The following NLGN1 variants were observed in gnomAD, a reference collection of about 807,000 sequenced individuals.
NLGN1 encodes the protein neuroligin 1.
In NLGN1, 12 loss-of-function variants were observed where a neutral mutation model predicts 65.5. The observed-to-expected ratio is 0.18, with a 90% confidence interval of 0.12 to 0.30. NLGN1 has a LOEUF of 0.30. Among genes scored for constraint, NLGN1 ranks in the 10% least tolerant of loss-of-function variants. The pLI, the probability that NLGN1 is intolerant of heterozygous loss-of-function variation, is 1.00. For synonymous variants in NLGN1, 350 were observed against 359.5 expected (o/e 0.97, Z 0.30); for missense variants, 750 against 1,007.1 (o/e 0.74, Z 3.46).
intron 3 of NLGN1, among the ~76,000 whole-genome samples, chr3:173,715,065 T>TA (rs1177271293): frequency 2.0e-5 from 3 of 152,060 alleles, no homozygotes; most frequent in Non-Finnish European, 4.4e-5. Flanking sequence ...AAAGTGGTTG[T>TA]AGCCCCTCAA....
At chr3:173,946,677 T>G (rs140514194) in intron 4 of NLGN1, among the ~76,000 whole-genome samples, 2 of 152,296 alleles carry the variant, frequency 1.3e-5, no homozygotes, top group African/African-American at 4.8e-5. Flanking sequence ...ACCGAAAGAT[T>G]AACTCATCTT....
chr3:173,931,430 T>C (rs906454539), intron 4 of NLGN1, among the ~76,000 whole-genome samples: 3 of 152,104 alleles, frequency 2.0e-5, no homozygotes, highest in African/African-American at 7.2e-5. Flanking sequence ...AGATTGGTCA[T>C]GGAAGGCTTC....
intron 2 of NLGN1, among the ~76,000 whole-genome samples, chr3:173,472,511 G>C (rs1455628437): frequency 1.8e-4 from 27 of 151,836 alleles, no homozygotes; most frequent in Admixed American, 1.8e-3. Flanking sequence ...ATGGAGAATA[G>C]TTTCACTTAT....
intron 2 of NLGN1, among the ~76,000 whole-genome samples, chr3:173,456,574 T>TATA (rs1560281139): frequency 6.6e-6 from 1 of 152,182 alleles, no homozygotes. Flanking sequence ...CTATAGTATC[T>TATA]GTCAAAGACC....
chr3:173,727,124 A>G (rs551075868), intron 3 of NLGN1, among the ~76,000 whole-genome samples: 1 of 152,256 alleles, frequency 6.6e-6, no homozygotes, highest in South Asian at 2.1e-4. Flanking sequence ...TAGTCCCTCT[A>G]TCAACAGAAG....
intron 4 of NLGN1, among the ~76,000 whole-genome samples, chr3:173,844,425 G>T (rs1386373703): frequency 2.6e-5 from 4 of 152,068 alleles, no homozygotes; most frequent in Non-Finnish European, 5.9e-5. Flanking sequence ...TCTATCTGTA[G>T]GATTGATCTT....
At chr3:173,866,877 A>G (rs1254375852) in intron 4 of NLGN1, among the ~76,000 whole-genome samples, 1 of 152,166 alleles carries the variant, frequency 6.6e-6, no homozygotes, top group Admixed American at 6.5e-5. Flanking sequence ...AAATTGTTCC[A>G]CAAAGATAAA....
intron 4 of NLGN1, among the ~76,000 whole-genome samples, chr3:174,025,171 G>T (rs991040194): frequency 1.4e-4 from 22 of 152,076 alleles, no homozygotes; most frequent in Admixed American, 1.0e-3. Flanking sequence ...TCTAAATTTA[G>T]CATTAAAAGA....
chr3:173,949,804 G>T (rs999295841), intron 4 of NLGN1, among the ~76,000 whole-genome samples: 1 of 152,134 alleles, frequency 6.6e-6, no homozygotes, highest in African/African-American at 2.4e-5. Context: ...AGATGTCAGA[G>T]GAGGAAATCA....
intron 3 of NLGN1, among the ~76,000 whole-genome samples, chr3:173,746,941 C>A (rs1367636757): frequency 4.0e-5 from 6 of 151,648 alleles, no homozygotes; most frequent in Non-Finnish European, 7.4e-5. Context: ...CATCTGTAGT[C>A]CCAGCTACTA....
At chr3:173,663,304 T>C (rs1342080657) in intron 3 of NLGN1, among the ~76,000 whole-genome samples, 2 of 151,982 alleles carry the variant, frequency 1.3e-5, no homozygotes, top group East Asian at 3.9e-4. Flanking sequence ...ATAACAATGA[T>C]TATGTTAACA....
rs1428594637 is a variant in NLGN1 at position 174,172,855 on chromosome 3, ATG to A, written c.647-102458_647-102457del. ...ACTGTTTTTTCTATTTCTGTGAAGA[ATG>A]TCTTAGGTATTGTGATAGGGATTGC... is the stretch of plus-strand genomic sequence containing the variant. On this transcript the variant is annotated intron_variant, in intron 4 of 6. Coordinates refer to ENST00000457714, the Ensembl canonical transcript of NLGN1. 3.9e-5 allele frequency among the ~76,000 whole-genome samples: 6 copies of A among 152,194 alleles called. No individual in the cohort carries two copies. In the East Asian group the frequency reaches 1.2e-3, roughly 29 times the overall value.
intron 3 of NLGN1, among the ~76,000 whole-genome samples, chr3:173,718,003 T>G (rs1251034219): frequency 6.6e-6 from 1 of 152,158 alleles, no homozygotes; most frequent in East Asian, 1.9e-4. Flanking sequence ...TCTACATATT[T>G]TTTAGTGTTT....
chr3:174,275,596 T>C (rs1360164458), intron 5 of NLGN1, 69 bp downstream of exon 5: 26 of 882,090 alleles, frequency 2.9e-5, no homozygotes. Flanking sequence ...TAGTATGTGA[T>C]GCTCTGTATA....
At chr3:173,980,911 A>G (rs1369121378) in intron 4 of NLGN1, among the ~76,000 whole-genome samples, 1 of 152,090 alleles carries the variant, frequency 6.6e-6, no homozygotes, top group East Asian at 1.9e-4. Flanking sequence ...ATACTTTGTA[A>G]TTTGATCCTT....
intron 3 of NLGN1, among the ~76,000 whole-genome samples, chr3:173,680,018 A>G (rs1763749031): frequency 2.6e-5 from 4 of 152,158 alleles, no homozygotes; most frequent in Non-Finnish European, 4.4e-5. Context: ...TGAAAAGTGC[A>G]TATGATTTTG....
At chr3:173,861,521 TG>T (rs1729080236) in intron 4 of NLGN1, among the ~76,000 whole-genome samples, 1 of 59,000 alleles carries the variant, frequency 1.7e-5, no homozygotes, top group Non-Finnish European at 3.3e-5. Flanking sequence ...GGCACGTGTG[TG>T]TGTGTGTGTG....
At chr3:173,485,116 CA>C (rs58463042) in intron 2 of NLGN1, among the ~76,000 whole-genome samples, 11,647 of 53,084 alleles carry the variant, frequency 0.22, 128 homozygotes, top group Middle Eastern at 0.27. Context: ...TGGCAGCAGG[CA>C]AAAAAAAAAA....
chr3:173,961,517 CA>C (rs58809881), intron 4 of NLGN1, among the ~76,000 whole-genome samples: 37,168 of 151,780 alleles, frequency 0.24, 4,793 homozygotes, highest in East Asian at 0.34. Flanking sequence ...GTCATATATT[CA>C]TTGGAATATA....
Sources: gnomAD v4.1 joint callset for allele counts (sites outside exome capture counted in the v4.1 genomes callset) on GRCh38, gnomAD v4.1.1 for gene constraint, MANE v1.5 for transcripts, NCBI Gene and HGNC (gene_info 2026-07-23, HGNC 2026-07-21) for gene names.